Variants in HELQ observed in about 807,000 individuals in gnomAD.
HELQ encodes the protein helicase POLQ-like.
HELQ carries 77 observed loss-of-function variants against 111.6 expected under a neutral mutation model. That is an observed-to-expected ratio of 0.69 (90% CI 0.57 to 0.83). The LOEUF is 0.83. Ranked by LOEUF, HELQ falls within the 40% of genes least tolerant of loss-of-function variation. The pLI is 0.00. For missense variants in HELQ, 1,200 were observed against 1,288.5 expected (o/e 0.93, Z 1.05); for synonymous variants, 438 against 454.7 (o/e 0.96, Z 0.47).
chr4:83,453,498 A>C lies in HELQ; in HGVS notation c.745T>G (p.Ser249Ala). 2.5e-6 allele frequency: 4 copies of C among 1,613,302 alleles called. No homozygotes were observed. Among genetic ancestry groups the C allele is most frequent in the Non-Finnish European group, 2.5e-6 (3 of 1,179,808 alleles). ...GAACTAGTTCTGACTTTGGAAGAGG[A>C]CTCATCATTTTGCTGGGGTTGCTCT... The part of the protein sequence containing the change: ...CIEQPQQNDE[S>A]SSKVRTSSDM... Residue 249 changes from serine to alanine, a missense_variant, in exon 2 of 18, where the codon TCC becomes GCC. Coordinates refer to ENST00000295488, the MANE Select transcript of HELQ (RefSeq NM_133636.5).
At chr4:83,430,987 C>T (rs1720111503) in intron 11 of HELQ, among the ~76,000 whole-genome samples, 2 of 152,078 alleles carry the variant, frequency 1.3e-5, no homozygotes, top group Admixed American at 6.5e-5. Flanking sequence ...AATTGAAACC[C>T]ACTGGGCCAG....
chr4:83,412,629 C>T (rs910717448), intron 17 of HELQ, among the ~76,000 whole-genome samples: 2 of 152,148 alleles, frequency 1.3e-5, no homozygotes, highest in African/African-American at 4.8e-5. Flanking sequence ...AGTTCAAGAC[C>T]AGCCTGGGCA....
At position 83,429,805 on chromosome 4, in the gene HELQ, T is replaced by G. The variant is rs927002940; in HGVS notation, c.2296-59A>C. 4.8e-6 allele frequency: 5 copies of G among 1,031,728 alleles called. No individual in the cohort carries two copies. The African/African-American group carries it at 8.2e-5, about 17-fold the overall frequency. 63.9% of individuals were successfully genotyped at this position (1,031,728 alleles called of 1,614,324 possible). The stretch of plus-strand genomic sequence containing the variant: ...CCTTAATTCAAGGCATCACCTTGAA[T>G]GCATATTAATCAAGATAACTCATTT... On this transcript the variant is annotated intron_variant, in intron 11 of 17. Transcript: ENST00000295488.
intron 5 of HELQ, among the ~76,000 whole-genome samples, chr4:83,445,699 TAACTC>T (rs1175014781): frequency 6.6e-6 from 1 of 152,254 alleles, no homozygotes; most frequent in African/African-American, 2.4e-5. Flanking sequence ...ATACATGTGT[TAACTC>T]ACACTATCCT....
intron 9 of HELQ, among the ~76,000 whole-genome samples, chr4:83,433,449 C>T (rs1041952006): frequency 1.3e-5 from 2 of 151,978 alleles, no homozygotes; most frequent in African/African-American, 2.4e-5. Context: ...GGGCGGATCA[C>T]GAGGTCAGGA....
chr4:83,450,222 TAAAAA>T lies in HELQ; in HGVS notation c.1013-1266_1013-1262del, dbSNP rs71668650. ...TGTATGTTCAATATACAGTTAAGTTTAAAAAAAAAAAAAAAAAAAAAAAAAAAAAA... is the reference window on the plus strand; with the variant it reads ...TGTATGTTCAATATACAGTTAAGTTTAAAAAAAAAAAAAAAAAAAAAAAAA... On this transcript the variant is annotated intron_variant, in intron 2 of 17. Transcript: ENST00000295488. Among the ~76,000 whole-genome samples, 276 of 45,550 alleles carry T rather than the reference TAAAAA, an allele frequency of 6.1e-3. 4 individuals are homozygous for T. The highest frequency in any genetic ancestry group is 0.013 in the African/African-American group (265 of 20,414). 29.9% of individuals were successfully genotyped at this position (45,550 alleles called of 152,430 possible). A position where few individuals can be genotyped will look rare whatever the true frequency, so the allele number is the denominator to read the frequency against.
In HELQ at chr4:83,446,104, A is replaced by C. The variant is rs771137042; in HGVS notation, c.1393-18T>G. 1 of 1,579,488 alleles carries C rather than the reference A, an allele frequency of 6.3e-7. No individual in the cohort carries two copies. The highest frequency in any genetic ancestry group is 1.7e-5 in the Admixed American group (1 of 59,944). On this transcript the variant is annotated intron_variant, in intron 4 of 17. Coordinates refer to ENST00000295488, the MANE Select transcript of HELQ (RefSeq NM_133636.5). ...ATGTGCAACTTCGAGATTTTTTTTA[A>C]AAAGGACAGAGAAGTAAATCTTCAT...
chr4:83,433,765 C>G (rs1319618304), intron 9 of HELQ, among the ~76,000 whole-genome samples: 1 of 150,718 alleles, frequency 6.6e-6, no homozygotes, highest in Non-Finnish European at 1.5e-5. Flanking sequence ...AGGAGGATCA[C>G]GAGGTCAATA....
At chr4:83,436,654 C>G (rs1720475066) in intron 9 of HELQ, among the ~76,000 whole-genome samples, 1 of 152,140 alleles carries the variant, frequency 6.6e-6, no homozygotes. Flanking sequence ...ATCAAGAAAT[C>G]TATTAACGTT....
At chr4:83,451,177 A>G (rs1227348880) in intron 2 of HELQ, among the ~76,000 whole-genome samples, 2 of 152,234 alleles carry the variant, frequency 1.3e-5, no homozygotes, top group East Asian at 1.9e-4. Flanking sequence ...GAAGCTACCA[A>G]TGTAATTACT....
rs183178395 is a variant in HELQ at position 83,413,566 on chromosome 4, T to C, written c.3198+3165A>G. Among the ~76,000 whole-genome samples, 349 of 152,346 alleles carry C rather than the reference T, an allele frequency of 2.3e-3. 2 individuals are homozygous for C. Among genetic ancestry groups the C allele is most frequent in the African/African-American group, 8.1e-3 (335 of 41,578 alleles). The stretch of plus-strand genomic sequence containing the variant: ...GATTTTAAAGATGACCACAAATTAT[T>C]TGACACTCTTCTCATGAAGAGGTGG... On this transcript the variant is annotated intron_variant, in intron 17 of 17. Transcript: ENST00000295488.
At chr4:83,429,081 G>A (rs1719999116) in intron 12 of HELQ, among the ~76,000 whole-genome samples, 1 of 151,946 alleles carries the variant, frequency 6.6e-6, no homozygotes, top group Non-Finnish European at 1.5e-5. Flanking sequence ...GGAGTTATCA[G>A]CTTATAAAAT....
chr4:83,421,292 G>A lies in HELQ; in HGVS notation c.2949+271C>T, dbSNP rs1465763010. Among the ~76,000 whole-genome samples the A allele has an allele frequency of 2.6e-5, 4 of 152,226 alleles. No individual in the cohort carries two copies. The East Asian group carries it at 7.7e-4, about 29-fold the overall frequency. Reference sequence around the variant, plus strand: ...ATTCTGAATACCTGAAACTATTAATGGTGGCTTTAAGAGTTGGGTCAAAAA... The same window carrying A: ...ATTCTGAATACCTGAAACTATTAATAGTGGCTTTAAGAGTTGGGTCAAAAA... On this transcript the variant is annotated intron_variant, in intron 15 of 17. Transcript: ENST00000295488.
rs1721542046 is a variant in HELQ at position 83,453,783 on chromosome 4, T to C, written c.460A>G (p.Lys154Glu). 16 of 1,614,126 alleles carry C rather than the reference T, an allele frequency of 9.9e-6. No homozygotes were observed. Among genetic ancestry groups the C allele is most frequent in the Non-Finnish European group, 1.4e-5 (16 of 1,180,052 alleles). The change falls in exon 2 of 18, where the codon AAA becomes GAA. Residue 154 changes from lysine (K) to glutamate (E), a missense_variant. Physicochemically the swap from Lys to Glu is moderately conservative, Grantham distance 56 (BLOSUM62 1). This residue lies in a region of HELQ where 610 missense variants were observed against 607.1 expected (regional missense o/e 1.00). Transcript: ENST00000295488. ...ATGGTAGTAATGCTGAGTTTGTTTTTGATACTTTCCGAGCAAAGATTTTCA... is the reference window on the plus strand; with the variant it reads ...ATGGTAGTAATGCTGAGTTTGTTTTCGATACTTTCCGAGCAAAGATTTTCA... Reference protein sequence around the residue: ...ATENLCSESIKNKLSITTIGN... With the variant: ...ATENLCSESIENKLSITTIGN...
chr4:83,421,284 C>T (rs997587796), intron 15 of HELQ, among the ~76,000 whole-genome samples: 2 of 152,130 alleles, frequency 1.3e-5, no homozygotes, highest in South Asian at 4.1e-4. Flanking sequence ...ATACCTGAAA[C>T]TATTAATGGT....
intron 17 of HELQ, among the ~76,000 whole-genome samples, chr4:83,411,604 A>AAAATAAATAAAT (rs147373472): frequency 3.3e-4 from 50 of 150,208 alleles, no homozygotes; most frequent in African/African-American, 1.2e-3. Flanking sequence ...ACCCTGTCTC[A>AAAATAAATAAAT]AAATAAATAA....
chr4:83,429,707 C>A lies in HELQ; in HGVS notation c.2335G>T (p.Gly779Cys). The change falls in exon 12 of 18, where the codon GGT becomes TGT. Residue 779 changes from glycine to cysteine, a missense_variant. By Grantham distance (159) the Gly-to-Cys change is radical. Around this residue, in one of 3 missense-constraint regions of HELQ, gnomAD observed 585 missense variants for 665.3 expected, o/e 0.88. Coordinates refer to ENST00000295488, the MANE Select transcript of HELQ (RefSeq NM_133636.5). ...TTTTGCTGAACACCAAAAAATGTACCATTCATGAAATGATAGATGTCATCA... is the reference window on the plus strand; with the variant it reads ...TTTTGCTGAACACCAAAAAATGTACAATTCATGAAATGATAGATGTCATCA... ...NLDDIYHFMNGTFFGVQQKVL... is the reference protein window; with the variant it reads ...NLDDIYHFMNCTFFGVQQKVL... 1 of 1,613,090 alleles carries A rather than the reference C, an allele frequency of 6.2e-7. No homozygotes were observed.
intron 5 of HELQ, among the ~76,000 whole-genome samples, chr4:83,445,222 T>G (rs949687033): frequency 3.3e-5 from 5 of 152,160 alleles, no homozygotes; most frequent in Admixed American, 6.5e-5. Context: ...CAGAGAATAT[T>G]CAAATAGGGA....
intron 17 of HELQ, among the ~76,000 whole-genome samples, chr4:83,415,901 C>T (rs1289726846): frequency 1.3e-5 from 2 of 151,082 alleles, no homozygotes; most frequent in Admixed American, 6.6e-5. Context: ...CCTGCCTTGG[C>T]CTCCCAAAGT....
Sources: allele counts gnomAD v4.1 joint callset (sites outside exome capture counted in the v4.1 genomes callset), GRCh38; gene constraint gnomAD v4.1.1; regional missense constraint gnomAD v4.1.1; transcripts MANE v1.5; gene names NCBI Gene and HGNC (gene_info 2026-07-23, HGNC 2026-07-21).